The following CCDC102B variants were observed in gnomAD, a reference collection of about 807,000 sequenced individuals.
CCDC102B encodes coiled-coil domain containing 102B, also known as coiled-coil domain-containing protein 102B.
A neutral mutation model predicts 57.4 loss-of-function variants in CCDC102B; 75 were observed. The ratio of observed to expected loss-of-function variants is 1.31; its 90% CI spans 1.08 to 1.58. The LOEUF (loss-of-function observed/expected upper bound fraction) is 1.58. CCDC102B is among the 40% of genes most tolerant of loss of function. The pLI is 0.00. For synonymous variants in CCDC102B, 206 were observed against 201.9 expected, an observed-to-expected ratio of 1.02 and a Z score of -0.17; for missense variants, 636 against 582.6, an observed-to-expected ratio of 1.09 and a Z score of -0.94.
At chr18:68,957,519 T>C (rs2049931953) in intron 6 of CCDC102B, among the ~76,000 whole-genome samples, 1 of 151,772 alleles carries the variant, frequency 6.6e-6, no homozygotes, top group Non-Finnish European at 1.5e-5. Context: ...ACTATATCTC[T>C]GTAGTATAAT....
chr18:68,969,110 G>A (rs913677771), intron 6 of CCDC102B, among the ~76,000 whole-genome samples: 3 of 152,058 alleles, frequency 2.0e-5, no homozygotes, highest in Non-Finnish European at 4.4e-5. Context: ...AAATTTGGAT[G>A]GCCACCCCTA....
intron 5 of CCDC102B, among the ~76,000 whole-genome samples, chr18:68,891,505 G>A (rs2040077224): frequency 6.6e-6 from 1 of 152,176 alleles, no homozygotes; most frequent in South Asian, 2.1e-4. Flanking sequence ...GCTTTGTATA[G>A]ATGTTGCATT....
chr18:68,844,411 G>A (rs2037767293), intron 3 of CCDC102B, among the ~76,000 whole-genome samples: 1 of 151,204 alleles, frequency 6.6e-6, no homozygotes, highest in African/African-American at 2.4e-5. Flanking sequence ...TTTAACATAT[G>A]CCATTTGCTT....
At chr18:68,930,232 A>G (rs1027306213) in intron 6 of CCDC102B, among the ~76,000 whole-genome samples, 10 of 148,418 alleles carry the variant, frequency 6.7e-5, no homozygotes, top group African/African-American at 2.4e-4. Context: ...AATTATATAT[A>G]TTATACATAA....
intron 2 of CCDC102B, among the ~76,000 whole-genome samples, chr18:68,781,356 G>T (rs1312630606): frequency 1.3e-5 from 2 of 151,994 alleles, no homozygotes; most frequent in Non-Finnish European, 2.9e-5. Flanking sequence ...TTTGGATATA[G>T]AATTTTTTGG....
At chr18:68,750,281 A>G (rs1321688662) in intron 2 of CCDC102B, among the ~76,000 whole-genome samples, 2 of 152,216 alleles carry the variant, frequency 1.3e-5, no homozygotes, top group Non-Finnish European at 2.9e-5. Flanking sequence ...ATCATTAAAA[A>G]GTCAGGAAAC....
chr18:68,718,891 T>G (rs2032173610), intron 2 of CCDC102B, among the ~76,000 whole-genome samples: 1 of 152,212 alleles, frequency 6.6e-6, no homozygotes, highest in African/African-American at 2.4e-5. Flanking sequence ...TAAATCACTT[T>G]GTGTAAAATA....
rs186663165 is a variant in CCDC102B, at chr18:68,876,438, T to C, written c.1053+1653T>C. Among the ~76,000 whole-genome samples, 363 of 152,280 alleles carry C rather than the reference T, an allele frequency of 2.4e-3. 2 individuals are homozygous for C. Among genetic ancestry groups the C allele is most frequent in the African/African-American group, 8.3e-3 (347 of 41,558 alleles). ...GAAATTTTAGATGAAATACAAGATATTTTATTTACTGACATAGTTAAATAG... is the reference window on the plus strand; with the variant it reads ...GAAATTTTAGATGAAATACAAGATACTTTATTTACTGACATAGTTAAATAG... On this transcript the variant is annotated intron_variant, in intron 5 of 7. Coordinates refer to ENST00000360242, the MANE Select transcript of CCDC102B (RefSeq NM_024781.3).
At chr18:68,892,148 C>A (rs2051294) in intron 5 of CCDC102B, among the ~76,000 whole-genome samples, 95,039 of 151,954 alleles carry the variant, frequency 0.63, 30,589 homozygotes, top group East Asian at 0.9. Flanking sequence ...ATATCAACTT[C>A]TTGCTTTCCT....
intron 1 of CCDC102B, among the ~76,000 whole-genome samples, chr18:68,824,515 G>T (rs969391469): frequency 3.3e-5 from 5 of 152,126 alleles, no homozygotes; most frequent in African/African-American, 4.8e-5. Context: ...TTGCCTGATT[G>T]CTCTGGCCAG....
At chr18:68,806,229 C>G (rs1348320725) in intron 1 of CCDC102B, among the ~76,000 whole-genome samples, 1 of 152,004 alleles carries the variant, frequency 6.6e-6, no homozygotes. Context: ...CCCATGTTGT[C>G]TAAACAGCTT....
intron 2 of CCDC102B, among the ~76,000 whole-genome samples, chr18:68,757,932 G>A (rs559812181): frequency 6.6e-5 from 10 of 151,736 alleles, no homozygotes; most frequent in Admixed American, 4.6e-4. Flanking sequence ...AAGACATCAA[G>A]ATGGTTAGAA....
At chr18:68,928,299 A>G (rs2041547360) in intron 6 of CCDC102B, among the ~76,000 whole-genome samples, 1 of 151,880 alleles carries the variant, frequency 6.6e-6, no homozygotes, top group Non-Finnish European at 1.5e-5. Context: ...CAGGTGGCAA[A>G]CAATCTTATG....
intron 7 of CCDC102B, among the ~76,000 whole-genome samples, chr18:69,013,157 A>T (rs2051566202): frequency 6.6e-6 from 1 of 152,228 alleles, no homozygotes; most frequent in Non-Finnish European, 1.5e-5. Context: ...GTGGATTAAA[A>T]ATATGATCTA....
At chr18:69,036,292 A>C (rs576135557) in intron 7 of CCDC102B, among the ~76,000 whole-genome samples, 1 of 152,194 alleles carries the variant, frequency 6.6e-6, no homozygotes, top group Admixed American at 6.6e-5. Context: ...ATGAAGACTT[A>C]GAATATAGCC....
chr18:68,978,906 G>C (rs72965136), intron 6 of CCDC102B, among the ~76,000 whole-genome samples: 88 of 152,158 alleles, frequency 5.8e-4, no homozygotes, highest in South Asian at 1.2e-3. Context: ...AGAAATGATA[G>C]AACAAAACAC....
chr18:68,722,205 C>G (rs976265219), intron 2 of CCDC102B, among the ~76,000 whole-genome samples: 33 of 152,164 alleles, frequency 2.2e-4, no homozygotes, highest in African/African-American at 7.7e-4. Context: ...TGGCTGCTAT[C>G]TTTGCGGGGA....
intron 1 of CCDC102B, among the ~76,000 whole-genome samples, chr18:68,824,014 T>C (rs1280575063): frequency 1.3e-5 from 2 of 152,026 alleles, no homozygotes; most frequent in African/African-American, 4.8e-5. Flanking sequence ...ATTTACTCTG[T>C]TGATAGGTTC....
chr18:68,776,840 A>G (rs2034836095), intron 2 of CCDC102B, among the ~76,000 whole-genome samples: 1 of 152,194 alleles, frequency 6.6e-6, no homozygotes, highest in Non-Finnish European at 1.5e-5. Flanking sequence ...ATTGATACAC[A>G]TTGAAAATAA....
Sources: gnomAD v4.1 joint callset for allele counts (sites outside exome capture counted in the v4.1 genomes callset) on GRCh38, gnomAD v4.1.1 for gene constraint, MANE v1.5 for transcripts, NCBI Gene and HGNC (gene_info 2026-07-23, HGNC 2026-07-21) for gene names.